Variants in TANC1 observed in about 807,000 individuals in gnomAD.
The protein encoded by TANC1 is protein TANC1.
A neutral mutation model predicts 149.7 loss-of-function variants in TANC1; 77 were observed. The observed-to-expected ratio is 0.51, with a 90% CI of 0.43 to 0.62. The LOEUF (loss-of-function observed/expected upper bound fraction) is 0.62. Ranked by LOEUF, TANC1 falls within the 20% of genes least tolerant of loss-of-function variation. The pLI is 0.00. For missense variants in TANC1, 1,985 were observed against 2,321.8 expected, an observed-to-expected ratio of 0.85 and a Z score of 2.98; for synonymous variants, 854 against 925.0, an observed-to-expected ratio of 0.92 and a Z score of 1.39.
In TANC1 at chr2:159,179,263, C is replaced by T. The variant is rs73002954; in HGVS notation, c.2510+100C>T. The T allele has an allele frequency of 1.8e-3, 2,500 of 1,420,834 alleles. 37 individuals carry two copies. The African/African-American group carries it at 0.031, about 18-fold the overall frequency. The allele number at this position is 1,420,834 out of a possible 1,614,324, so 88.0% of individuals were successfully genotyped here. ...CACGTGTCTCAATGGAAGGGCAATC[C>T]AGAATGACTAATTCAGTGTTACTGC... On this transcript the variant is annotated intron_variant, in intron 14 of 26. Transcript: ENST00000263635.
intron 11 of TANC1, among the ~76,000 whole-genome samples, chr2:159,173,191 G>GA (rs1414761086): frequency 6.6e-6 from 1 of 152,148 alleles, no homozygotes; most frequent in Non-Finnish European, 1.5e-5. Context: ...TCTTACACTA[G>GA]AGATCACTCA....
In TANC1 at chr2:159,163,606, A is replaced by G. The variant is rs970489704; in HGVS notation, c.946+60A>G. On this transcript the variant is annotated intron_variant, in intron 8 of 26. Transcript: ENST00000263635. The stretch of plus-strand genomic sequence containing the variant: ...AGGGATACCAAGGTGCCCTGTGTTC[A>G]CTGTCTTCACATGGGAAGACACTCC... The G allele has an allele frequency of 1.5e-5, 23 of 1,562,332 alleles. No individual in the cohort carries two copies. The African/African-American group carries it at 3.1e-4, about 21-fold the overall frequency.
At chr2:159,205,036 G>T (rs1333711889) in intron 19 of TANC1, among the ~76,000 whole-genome samples, 2 of 152,258 alleles carry the variant, frequency 1.3e-5, no homozygotes, top group African/African-American at 4.8e-5. Context: ...GTGCCCTGCA[G>T]CTGGGGTGGG....
rs560344817 is a variant in TANC1 at position 159,083,850 on chromosome 2, C to T, written c.62-13787C>T. 1.8e-4 allele frequency among the ~76,000 whole-genome samples: 28 copies of T among 151,438 alleles called. No individual in the cohort carries two copies. In the East Asian group the frequency reaches 4.8e-3, roughly 26 times the overall value. On this transcript the variant is annotated intron_variant, in intron 3 of 26. Transcript: ENST00000263635. ...TATTTTACGAGACATGTCATTGAGA[C>T]TGCTGTTTGGAAAACTGAGCAGTGA...
chr2:159,125,605 T>TCC (rs2049363850), intron 4 of TANC1, among the ~76,000 whole-genome samples: 1 of 145,860 alleles, frequency 6.9e-6, no homozygotes, highest in African/African-American at 2.5e-5. Context: ...CTTCCTTCCT[T>TCC]TTTTGACAGA....
chr2:159,144,830 A>C (rs1445763979), intron 5 of TANC1, among the ~76,000 whole-genome samples: 2 of 152,210 alleles, frequency 1.3e-5, no homozygotes, highest in Non-Finnish European at 2.9e-5. Context: ...AGTGAGAAGC[A>C]GGTCATGGAT....
intron 2 of TANC1, among the ~76,000 whole-genome samples, chr2:159,018,034 T>A (rs1007399449): frequency 6.6e-5 from 10 of 152,160 alleles, no homozygotes; most frequent in African/African-American, 2.2e-4. Context: ...CAGGCGTGAA[T>A]CAAACCTCGT....
chr2:159,169,456 G>T, intron 9 of TANC1, 84 bp downstream of exon 9: 8 of 1,403,842 alleles, frequency 5.7e-6, no homozygotes, highest in Non-Finnish European at 7.0e-6. Flanking sequence ...CAGCATTGAA[G>T]CCAACTGTGT....
At chr2:159,024,526 G>A (rs570912410) in intron 2 of TANC1, among the ~76,000 whole-genome samples, 48 of 152,194 alleles carry the variant, frequency 3.2e-4, no homozygotes, top group African/African-American at 1.1e-3. Flanking sequence ...TGAGGCAGGC[G>A]GATCACTTGA....
At chr2:159,160,336 A>AT (rs566580174) in intron 7 of TANC1, among the ~76,000 whole-genome samples, 1,999 of 148,006 alleles carry the variant, frequency 0.014, 46 homozygotes, top group African/African-American at 0.046. Flanking sequence ...CTTTTTAGAG[A>AT]TTTTTTTTTT....
chr2:159,020,582 T>A (rs528048868), intron 2 of TANC1, among the ~76,000 whole-genome samples: 1 of 152,364 alleles, frequency 6.6e-6, no homozygotes, highest in African/African-American at 2.4e-5. Flanking sequence ...TGGTAGCCAC[T>A]GTGTGAAGAG....
intron 3 of TANC1, among the ~76,000 whole-genome samples, chr2:159,068,772 C>G (rs991618622): frequency 3.3e-5 from 5 of 152,166 alleles, no homozygotes; most frequent in African/African-American, 9.7e-5. Context: ...CAGACAGACT[C>G]TGTTACCCAG....
At chr2:159,007,610 T>C (rs1243711283) in intron 2 of TANC1, among the ~76,000 whole-genome samples, 1 of 152,214 alleles carries the variant, frequency 6.6e-6, no homozygotes, top group Non-Finnish European at 1.5e-5. Context: ...GGCTGTCCCA[T>C]CTAGATTTGT....
At chr2:159,151,703 G>A (rs929583723) in intron 7 of TANC1, among the ~76,000 whole-genome samples, 27 of 152,234 alleles carry the variant, frequency 1.8e-4, no homozygotes. Context: ...GGATTGGGTT[G>A]TGGGCTCTTT....
At chr2:159,198,418 G>A (rs541334633) in intron 18 of TANC1, among the ~76,000 whole-genome samples, 6 of 152,254 alleles carry the variant, frequency 3.9e-5, no homozygotes, top group African/African-American at 7.2e-5. Context: ...CAGGGTGAAC[G>A]CCGGCTCAGG....
At chr2:159,127,351 C>T (rs2049561646) in intron 4 of TANC1, among the ~76,000 whole-genome samples, 1 of 152,202 alleles carries the variant, frequency 6.6e-6, no homozygotes, top group South Asian at 2.1e-4. Context: ...ACCTCTTTTA[C>T]ACTGTTCCTG....
chr2:159,048,263 A>G (rs929620148), intron 2 of TANC1, among the ~76,000 whole-genome samples: 2 of 152,190 alleles, frequency 1.3e-5, no homozygotes, highest in Non-Finnish European at 2.9e-5. Flanking sequence ...GGGGGGCAGT[A>G]ACTGGTCTTG....
intron 11 of TANC1, among the ~76,000 whole-genome samples, chr2:159,172,853 T>G (rs949123500): frequency 6.6e-6 from 1 of 152,200 alleles, no homozygotes; most frequent in Non-Finnish European, 1.5e-5. Flanking sequence ...TACTTAAGTT[T>G]CCCTGGGCAG....
chr2:159,100,028 A>G (rs1007964136), intron 4 of TANC1, among the ~76,000 whole-genome samples: 2 of 152,216 alleles, frequency 1.3e-5, no homozygotes, highest in African/African-American at 4.8e-5. Context: ...AGGACAAACA[A>G]GATGTCTTAT....
Sources: allele counts gnomAD v4.1 joint callset (sites outside exome capture counted in the v4.1 genomes callset), GRCh38; gene constraint gnomAD v4.1.1; transcripts MANE v1.5; gene names NCBI Gene and HGNC (gene_info 2026-07-23, HGNC 2026-07-21).